The following SH3PXD2A variants were observed in gnomAD, a reference collection of about 807,000 sequenced individuals.
SH3PXD2A encodes SH3 and PX domains 2A.
Under a neutral mutation model 115.2 loss-of-function variants are expected in SH3PXD2A, and 32 were observed. That is an observed-to-expected ratio of 0.28 (90% CI 0.21 to 0.37). The LOEUF (loss-of-function observed/expected upper bound fraction) is 0.37. Ranked by LOEUF, SH3PXD2A falls within the 10% of genes least tolerant of loss-of-function variation. SH3PXD2A has a pLI of 1.00. For synonymous variants in SH3PXD2A, 610 were observed against 629.1 expected (o/e 0.97, Z 0.45); for missense variants, 1,328 against 1,498.7 (o/e 0.89, Z 1.88).
Position 103,840,180 on chromosome 10 carries a change from AGG to A in SH3PXD2A, c.72+15013_72+15014del, listed in dbSNP as rs892569473. On this transcript the variant is annotated intron_variant, in intron 1 of 14. Coordinates refer to ENST00000369774, the MANE Select transcript of SH3PXD2A (RefSeq NM_001394015.1). The stretch of plus-strand genomic sequence containing the variant: ...ATTCCAACAATAAACTGAACAGGGC[AGG>A]GCGGGGAGGTTGCCCCGCTTCCAGC... 2.6e-3 allele frequency among the ~76,000 whole-genome samples: 390 copies of A among 152,344 alleles called. 2 individuals are homozygous for A. The highest frequency in any genetic ancestry group is 8.7e-3 in the African/African-American group (361 of 41,592).
chr10:103,728,316 G>C (rs747854204), intron 4 of SH3PXD2A, among the ~76,000 whole-genome samples: 4 of 152,240 alleles, frequency 2.6e-5, no homozygotes, highest in Non-Finnish European at 4.4e-5. Context: ...GGCTGGTGAA[G>C]AGTACACTCA....
At chr10:103,844,302 G>A (rs78690018) in intron 1 of SH3PXD2A, among the ~76,000 whole-genome samples, 3,358 of 152,322 alleles carry the variant, frequency 0.022, 57 homozygotes, top group South Asian at 0.037. Flanking sequence ...ATTCAGGACA[G>A]AGTTTCACCC....
At chr10:103,614,988 T>C (rs904265175) in intron 11 of SH3PXD2A, among the ~76,000 whole-genome samples, 29 of 151,042 alleles carry the variant, frequency 1.9e-4, no homozygotes, top group Admixed American at 1.7e-3. Flanking sequence ...TGGGTGGGAG[T>C]CAGGGGCCTG....
intron 6 of SH3PXD2A, among the ~76,000 whole-genome samples, chr10:103,692,140 C>A (rs1438701501): frequency 6.6e-6 from 1 of 152,198 alleles, no homozygotes; most frequent in Non-Finnish European, 1.5e-5. Flanking sequence ...ATCGCTGCAG[C>A]AGTCTGTCCC....
At chr10:103,686,052 A>G (rs1291099105) in intron 6 of SH3PXD2A, among the ~76,000 whole-genome samples, 1 of 152,234 alleles carries the variant, frequency 6.6e-6, no homozygotes, top group Non-Finnish European at 1.5e-5. Context: ...CTCTGCAGTG[A>G]AACTACATTA....
chr10:103,775,427 C>T (rs554699894), intron 2 of SH3PXD2A, among the ~76,000 whole-genome samples: 3 of 152,182 alleles, frequency 2.0e-5, no homozygotes, highest in South Asian at 2.1e-4. Flanking sequence ...AAAAGCCAGG[C>T]GATGGGAGTT....
At chr10:103,803,391 A>G (rs1023314745) in intron 1 of SH3PXD2A, among the ~76,000 whole-genome samples, 1 of 152,214 alleles carries the variant, frequency 6.6e-6, no homozygotes, top group African/African-American at 2.4e-5. Flanking sequence ...TTGTAAAACC[A>G]TTTTGATAAC....
chr10:103,685,577 C>T (rs926494312), intron 6 of SH3PXD2A, among the ~76,000 whole-genome samples: 7 of 152,128 alleles, frequency 4.6e-5, no homozygotes, highest in African/African-American at 1.7e-4. Context: ...GAGACGAACC[C>T]CTCCGGTGCT....
Position 103,612,880 on chromosome 10 carries a change from T to C in SH3PXD2A, c.1231A>G (p.Arg411Gly), listed in dbSNP as rs768774482. ...ATCTGGGCCCGCTGAGGGGCAATCC[T>C]GGCCACAGCTGGAGAGCCCTGGGCC... ...RLAQGSPAVA[R>G]IAPQRAQISS... The change falls in exon 12 of 15, where the codon AGG (arginine) becomes GGG (glycine). Residue 411 changes from arginine to glycine, a missense_variant. By Grantham distance (125) the Arg-to-Gly change is moderately radical. Around this residue, in one of 5 missense-constraint regions of SH3PXD2A, gnomAD observed 509 missense variants for 628.3 expected, o/e 0.81. Coordinates refer to ENST00000369774, the MANE Select transcript of SH3PXD2A (RefSeq NM_001394015.1). 6 of 1,585,062 alleles carry C rather than the reference T, an allele frequency of 3.8e-6. No homozygotes were observed. Among genetic ancestry groups the C allele is most frequent in the Non-Finnish European group, 5.1e-6 (6 of 1,167,362 alleles).
At position 103,601,906 on chromosome 10, in the gene SH3PXD2A, G is replaced by T; in HGVS notation, c.3312C>A (p.Asn1104Lys). ...TCTGGCAGTACCACCAGCCATTAGG[G>T]TTCCTCTCCAGAACCTCCATGGACA... Reference protein sequence around the residue: ...EGVSMEVLERNPNGWWYCQIL... With the variant: ...EGVSMEVLERKPNGWWYCQIL... Residue 1104 changes from asparagine to lysine, a missense_variant, in exon 15 of 15, where the codon AAC (asparagine) becomes AAA (lysine). This residue lies in a region of SH3PXD2A where 45 missense variants were observed against 73.6 expected (regional missense o/e 0.61). Transcript: ENST00000369774. 2 of 1,613,962 alleles carry T rather than the reference G, an allele frequency of 1.2e-6. No homozygotes were observed. The highest frequency in any genetic ancestry group is 1.7e-6 in the Non-Finnish European group (2 of 1,179,926).
intron 2 of SH3PXD2A, among the ~76,000 whole-genome samples, chr10:103,767,765 G>T (rs939492621): frequency 6.7e-6 from 1 of 149,390 alleles, no homozygotes; most frequent in Non-Finnish European, 1.5e-5. Context: ...TCCAAGGACG[G>T]ACCCACTGGA....
chr10:103,729,160 A>G (rs2038283596), intron 4 of SH3PXD2A, among the ~76,000 whole-genome samples: 1 of 152,164 alleles, frequency 6.6e-6, no homozygotes, highest in South Asian at 2.1e-4. Flanking sequence ...TCGGCCTCCC[A>G]AAGTGCTGGG....
At chr10:103,742,610 G>T (rs1014788502) in intron 3 of SH3PXD2A, among the ~76,000 whole-genome samples, 1 of 152,184 alleles carries the variant, frequency 6.6e-6, no homozygotes, top group Non-Finnish European at 1.5e-5. Flanking sequence ...ACCTGACAGG[G>T]CCCTATATCC....
intron 5 of SH3PXD2A, among the ~76,000 whole-genome samples, 165 bp downstream of exon 5, chr10:103,724,105 C>T (rs1453421257): frequency 6.6e-6 from 1 of 152,176 alleles, no homozygotes; most frequent in East Asian, 1.9e-4. Flanking sequence ...CACTAGGAGC[C>T]TGGGGAATAA....
intron 1 of SH3PXD2A, among the ~76,000 whole-genome samples, chr10:103,848,948 CTTTTTTTTTTTTTTTTT>C (rs146019283): frequency 2.9e-5 from 2 of 69,642 alleles, no homozygotes; most frequent in Non-Finnish European, 5.3e-5. Flanking sequence ...CCCATATATT[CTTTTTTTTTTTTTTTTT>C]TTTTTTTTTT....
intron 8 of SH3PXD2A, among the ~76,000 whole-genome samples, chr10:103,652,974 C>T (rs529342639): frequency 1.5e-4 from 23 of 152,174 alleles, no homozygotes; most frequent in Non-Finnish European, 2.8e-4. Flanking sequence ...AACCAGCGGG[C>T]CTTCTGCTGT....
At chr10:103,773,150 G>T (rs905806687) in intron 2 of SH3PXD2A, among the ~76,000 whole-genome samples, 2 of 150,584 alleles carry the variant, frequency 1.3e-5, no homozygotes, top group African/African-American at 2.4e-5. Flanking sequence ...CTTGAGCCTG[G>T]CAGGCGGGGG....
Position 103,602,199 on chromosome 10 carries a change from C to G in SH3PXD2A, c.3019G>C (p.Asp1007His). ...LRRNESLTAT[D>H]GLRGVRRNSS... ...TTCCGTCGGACGCCTCGGAGGCCAT[C>G]AGTGGCCGTGAGTGACTCATTCCTC... Residue 1007 changes from aspartate (D) to histidine (H), a missense_variant, in exon 15 of 15, where the codon GAT becomes CAT. This residue lies in a region of SH3PXD2A where 574 missense variants were observed against 565.7 expected (regional missense o/e 1.01). Transcript: ENST00000369774. The G allele has an allele frequency of 6.3e-7, 1 of 1,584,160 alleles. No homozygotes were observed. The highest frequency in any genetic ancestry group is 8.6e-7 in the Non-Finnish European group (1 of 1,163,172).
chr10:103,813,641 C>A (rs952782676), intron 1 of SH3PXD2A, among the ~76,000 whole-genome samples: 1 of 152,184 alleles, frequency 6.6e-6, no homozygotes, highest in Non-Finnish European at 1.5e-5. Flanking sequence ...TATTTCATTT[C>A]TTTTGAACAT....
Sources: gnomAD v4.1 joint callset for allele counts (sites outside exome capture counted in the v4.1 genomes callset) on GRCh38, gnomAD v4.1.1 for gene constraint, gnomAD v4.1.1 regional missense constraint, MANE v1.5 for transcripts, NCBI Gene and HGNC (gene_info 2026-07-23, HGNC 2026-07-21) for gene names.